Variants in DNAH8 observed in about 807,000 individuals in gnomAD.
DNAH8 encodes the protein axonemal beta dynein heavy chain 8.
Under a neutral mutation model 562.1 loss-of-function variants are expected in DNAH8, and 382 were observed. That is an observed-to-expected ratio of 0.68 (90% confidence interval 0.63 to 0.74). DNAH8 has a LOEUF of 0.74. Among genes scored for constraint, DNAH8 ranks in the 30% least tolerant of loss-of-function variants. DNAH8 has a pLI of 0.00. For synonymous variants in DNAH8, 1,881 were observed against 1,919.4 expected, an observed-to-expected ratio of 0.98 and a Z score of 0.52; for missense variants, 5,203 against 5,620.4, an observed-to-expected ratio of 0.93 and a Z score of 2.37.
chr6:38,827,732 ACTTTTTTTTTT>A lies in DNAH8; in HGVS notation c.4084-451_4084-441del. On this transcript the variant is annotated intron_variant, in intron 29 of 92. Transcript: ENST00000327475. Reference sequence around the variant, plus strand: ...CTGCAAAAGCTTAATTCTTTACCAAACTTTTTTTTTTTTTTTTTTTTTTTTTTTTTTTTTTT... The same window carrying A: ...CTGCAAAAGCTTAATTCTTTACCAAATTTTTTTTTTTTTTTTTTTTTTTTT... Among the ~76,000 whole-genome samples the A allele has an allele frequency of 1.2e-4, 3 of 25,750 alleles. 1 individual carries two copies. In the Admixed American group the frequency reaches 1.5e-3, roughly 13 times the overall value. 16.9% of individuals were successfully genotyped at this position (25,750 alleles called of 152,430 possible).
chr6:38,950,706 T>C (rs1008729071), intron 81 of DNAH8, among the ~76,000 whole-genome samples: 3 of 152,144 alleles, frequency 2.0e-5, no homozygotes, highest in Non-Finnish European at 1.5e-5. Context: ...TCCAAAGTGC[T>C]GGGATTACAA....
At chr6:38,758,842 T>C (rs1017552707) in intron 10 of DNAH8, among the ~76,000 whole-genome samples, 1 of 152,216 alleles carries the variant, frequency 6.6e-6, no homozygotes, top group Non-Finnish European at 1.5e-5. Flanking sequence ...TATTGATTTG[T>C]GTACGTTGAA....
intron 8 of DNAH8, among the ~76,000 whole-genome samples, chr6:38,746,909 T>A (rs1764990139): frequency 1.3e-5 from 2 of 152,084 alleles, no homozygotes; most frequent in South Asian, 4.1e-4. Context: ...AGCCTGTGTG[T>A]TGGGAGTGAG....
rs773702143 is a variant in DNAH8, at chr6:38,974,356, GT to G, written c.12679-14del. 3.2e-6 allele frequency: 5 copies of G among 1,583,728 alleles called. No homozygotes were observed. The African/African-American group carries it at 6.8e-5, about 22-fold the overall frequency. On this transcript the variant is annotated splice_polypyrimidine_tract_variant and intron_variant, in intron 84 of 92. Coordinates refer to ENST00000327475, the MANE Select transcript of DNAH8 (RefSeq NM_001206927.2). ...AGTAATTTATAGAAACAAAAGCACT[GT>G]TTTCTTTTCATGACAGACCTCTCTC... is the stretch of plus-strand genomic sequence containing the variant.
At chr6:38,888,117 G>T (rs1779088256) in intron 57 of DNAH8, among the ~76,000 whole-genome samples, 1 of 148,618 alleles carries the variant, frequency 6.7e-6, no homozygotes, top group African/African-American at 2.5e-5. Flanking sequence ...GGGATTACAG[G>T]CATGAGCCAC....
At chr6:38,806,209 C>T (rs1214151210) in intron 23 of DNAH8, among the ~76,000 whole-genome samples, 10 of 152,138 alleles carry the variant, frequency 6.6e-5, no homozygotes, top group Admixed American at 3.3e-4. Flanking sequence ...TTCTCCTCCC[C>T]GGGTCAGTTT....
intron 87 of DNAH8, 144 bp downstream of exon 87, chr6:38,984,451 TACACACACG>T (rs1561943266): frequency 4.8e-6 from 3 of 626,276 alleles, no homozygotes; most frequent in Non-Finnish European, 8.7e-6. Flanking sequence ...TGTGTGCGCT[TACACACACG>T]CACACACATG....
chr6:39,021,845 C>G (rs1004830855), intron 91 of DNAH8, among the ~76,000 whole-genome samples: 1 of 152,134 alleles, frequency 6.6e-6, no homozygotes, highest in African/African-American at 2.4e-5. Context: ...AAATGCCAAC[C>G]AACTCCTTAT....
At chr6:38,884,610 C>T (rs1369417859) in intron 56 of DNAH8, among the ~76,000 whole-genome samples, 1 of 152,132 alleles carries the variant, frequency 6.6e-6, no homozygotes, top group Non-Finnish European at 1.5e-5. Flanking sequence ...TGGTTTTCTA[C>T]AGCAAATGCC....
At chr6:38,772,435 G>C (rs1325440706) in intron 12 of DNAH8, among the ~76,000 whole-genome samples, 2 of 152,102 alleles carry the variant, frequency 1.3e-5, no homozygotes, top group African/African-American at 4.8e-5. Context: ...GTTTTGATTT[G>C]CATTTCCCTG....
intron 22 of DNAH8, among the ~76,000 whole-genome samples, chr6:38,804,903 G>A (rs1771126493): frequency 7.7e-6 from 1 of 130,200 alleles, no homozygotes; most frequent in Admixed American, 8.2e-5. Flanking sequence ...CAGTGTGTGT[G>A]TGTGTTGGGG....
chr6:38,957,923 A>T (rs909352720), intron 82 of DNAH8, among the ~76,000 whole-genome samples: 3 of 151,010 alleles, frequency 2.0e-5, no homozygotes, highest in Non-Finnish European at 4.4e-5. Flanking sequence ...CATCTCAAGG[A>T]ACTAGAAAGA....
chr6:38,799,537 A>C (rs1770590743), intron 21 of DNAH8, among the ~76,000 whole-genome samples: 1 of 151,630 alleles, frequency 6.6e-6, no homozygotes, highest in African/African-American at 2.4e-5. Flanking sequence ...TCTCCTATTA[A>C]TTTTTGTTTC....
chr6:38,962,070 A>G (rs2150667177), intron 82 of DNAH8, among the ~76,000 whole-genome samples: 1 of 152,172 alleles, frequency 6.6e-6, no homozygotes, highest in Admixed American at 6.5e-5. Flanking sequence ...AGCAATAAAA[A>G]TAAAACTGAG....
rs1221155183 is a variant in DNAH8, at chr6:38,723,150, G to A, written c.341G>A (p.Arg114Gln). Residue 114 changes from arginine (R) to glutamine (Q), a missense_variant, in exon 2 of 93, where the codon CGG (arginine) becomes CAG (glutamine). By Grantham distance (43) the Arg-to-Gln change is conservative. Coordinates refer to ENST00000327475, the MANE Select transcript of DNAH8 (RefSeq NM_001206927.2). ...TCCCGGAGGTCCTCCAGATACCGCC[G>A]GAGTATGAGTGGCCTTCCCAATCTA... ...PSSRRSSRYR[R>Q]SMSGLPNLQE... 2 of 1,612,542 alleles carry A rather than the reference G, an allele frequency of 1.2e-6. No homozygotes were observed. The highest frequency in any genetic ancestry group is 1.7e-5 in the Admixed American group (1 of 60,024).
chr6:38,994,500 A>ACT (rs1765001356), intron 88 of DNAH8, among the ~76,000 whole-genome samples: 1 of 145,328 alleles, frequency 6.9e-6, no homozygotes, highest in Non-Finnish European at 1.5e-5. Flanking sequence ...AATCATCTAC[A>ACT]TTTTTTTTTT....
Position 38,781,140 on chromosome 6 carries a change from C to T in DNAH8, c.2140-114C>T, listed in dbSNP as rs1768553448. 6.3e-6 allele frequency: 7 copies of T among 1,103,892 alleles called. No homozygotes were observed. The South Asian group carries it at 1.2e-4, about 19-fold the overall frequency. The allele number at this position is 1,103,892 out of a possible 1,614,324, so 68.4% of individuals were successfully genotyped here. On this transcript the variant is annotated intron_variant, in intron 15 of 92. Transcript: ENST00000327475. ...TGTGCATTTACATATTTATTGACTACCTACTGTATATAAAACATGAATAAT... is the reference window on the plus strand; with the variant it reads ...TGTGCATTTACATATTTATTGACTATCTACTGTATATAAAACATGAATAAT...
At chr6:38,832,510 T>C (rs1773927345) in intron 31 of DNAH8, 75 bp downstream of exon 31, 2 of 913,082 alleles carry the variant, frequency 2.2e-6, no homozygotes, top group Non-Finnish European at 3.5e-6. Flanking sequence ...TGATGAACCC[T>C]GAGGAATAGG....
intron 91 of DNAH8, among the ~76,000 whole-genome samples, chr6:39,024,892 T>C (rs2281342): frequency 0.25 from 37,369 of 152,194 alleles, 5,690 homozygotes; most frequent in Non-Finnish European, 0.34. Flanking sequence ...TTCACTCAGC[T>C]GCTTTGGTTG....
Sources: allele counts gnomAD v4.1 joint callset (sites outside exome capture counted in the v4.1 genomes callset), GRCh38; gene constraint gnomAD v4.1.1; transcripts MANE v1.5; gene names NCBI Gene and HGNC (gene_info 2026-07-23, HGNC 2026-07-21).